Variants in RUNDC3B observed in about 807,000 individuals in gnomAD.
The protein encoded by RUNDC3B is RUN domain-containing protein 3B.
RUNDC3B carries 33 observed loss-of-function variants against 58.4 expected under a neutral mutation model. That is an observed-to-expected ratio of 0.56 (90% CI 0.43 to 0.75). RUNDC3B has a LOEUF of 0.75. Ranked by LOEUF, RUNDC3B falls within the 30% of genes least tolerant of loss-of-function variation. The probability of loss-of-function intolerance (pLI) is 0.00; values close to 1 mark genes in which losing one functional copy is unlikely to be tolerated. For synonymous variants in RUNDC3B, 193 were observed against 195.2 expected (o/e 0.99, Z 0.10); for missense variants, 501 against 535.7 (o/e 0.94, Z 0.64).
intron 8 of RUNDC3B, among the ~76,000 whole-genome samples, chr7:87,803,792 T>C (rs1836296196): frequency 6.6e-6 from 1 of 152,182 alleles, no homozygotes; most frequent in Non-Finnish European, 1.5e-5. Context: ...TGTCCGTGAA[T>C]ATTTTGCAGA....
chr7:87,650,947 C>T lies in RUNDC3B; in HGVS notation c.238+10C>T, dbSNP rs746397167. ...AGCCACCGGCTAAAAGGTAAAAGCA[C>T]TAATGTACTATTTATTTTCCCACCA... On this transcript the variant is annotated intron_variant, in intron 2 of 10. Transcript: ENST00000394654. The T allele has an allele frequency of 3.5e-6, 5 of 1,434,722 alleles. No individual in the cohort carries two copies. Among genetic ancestry groups the T allele is most frequent in the East Asian group, 2.3e-5 (1 of 43,894 alleles). 88.9% of individuals were successfully genotyped at this position (1,434,722 alleles called of 1,614,324 possible).
chr7:87,770,416 G>C (rs1320582238), intron 6 of RUNDC3B, among the ~76,000 whole-genome samples, 165 bp from the exon 7 acceptor site: 2 of 151,678 alleles, frequency 1.3e-5, no homozygotes, highest in African/African-American at 4.8e-5. Flanking sequence ...ATGCTAACTT[G>C]CCATTTTTTT....
At chr7:87,826,404 AT>A (rs1837809659) in intron 10 of RUNDC3B, among the ~76,000 whole-genome samples, 1 of 151,532 alleles carries the variant, frequency 6.6e-6, no homozygotes, top group African/African-American at 2.4e-5. Flanking sequence ...GTGTGAATCC[AT>A]TAAACCTCTT....
chr7:87,752,959 T>A (rs1390481064), intron 6 of RUNDC3B, among the ~76,000 whole-genome samples: 1 of 151,746 alleles, frequency 6.6e-6, no homozygotes, highest in Non-Finnish European at 1.5e-5. Context: ...TTCTTTTAAT[T>A]GTGATGTTAG....
chr7:87,788,703 CTTTT>C (rs5885597), intron 8 of RUNDC3B, among the ~76,000 whole-genome samples: 83 of 128,292 alleles, frequency 6.5e-4, no homozygotes, highest in East Asian at 2.2e-3. Flanking sequence ...CTTTTCAAAA[CTTTT>C]TTTTTTTTTT....
chr7:87,753,888 G>A (rs926369383), intron 6 of RUNDC3B, among the ~76,000 whole-genome samples: 4 of 152,136 alleles, frequency 2.6e-5, no homozygotes, highest in African/African-American at 7.2e-5. Flanking sequence ...CACAGGTAGC[G>A]ACTATCTGGG....
intron 4 of RUNDC3B, among the ~76,000 whole-genome samples, chr7:87,716,040 C>G (rs1458314094): frequency 1.3e-5 from 2 of 151,952 alleles, no homozygotes; most frequent in Non-Finnish European, 2.9e-5. Context: ...AGAATACTTG[C>G]TAGAAGTGCC....
intron 7 of RUNDC3B, among the ~76,000 whole-genome samples, chr7:87,774,966 A>G (rs1401617238): frequency 6.6e-6 from 1 of 152,378 alleles, no homozygotes; most frequent in Non-Finnish European, 1.5e-5. Flanking sequence ...TATGGAAAGT[A>G]TACAATACTT....
chr7:87,801,078 T>A (rs1240916605), intron 8 of RUNDC3B, among the ~76,000 whole-genome samples: 1 of 152,226 alleles, frequency 6.6e-6, no homozygotes, highest in African/African-American at 2.4e-5. Context: ...GTGTGGAATT[T>A]TTCACTGTGG....
chr7:87,699,957 T>C (rs1585136703), intron 2 of RUNDC3B, among the ~76,000 whole-genome samples: 1 of 152,188 alleles, frequency 6.6e-6, no homozygotes. Flanking sequence ...TATACCTTTT[T>C]TGAAGTATCC....
intron 3 of RUNDC3B, among the ~76,000 whole-genome samples, chr7:87,702,174 A>AAC: frequency 6.9e-6 from 1 of 144,422 alleles, no homozygotes; most frequent in Non-Finnish European, 1.5e-5. Context: ...AAAAAAAAAC[A>AAC]GAGATACTTT....
intron 6 of RUNDC3B, among the ~76,000 whole-genome samples, chr7:87,763,865 G>C (rs765488968): frequency 2.6e-5 from 4 of 151,686 alleles, no homozygotes; most frequent in Non-Finnish European, 5.9e-5. Context: ...TTTTGGCAGA[G>C]GTATCTGTTT....
chr7:87,667,900 A>T (rs1825426524), intron 2 of RUNDC3B, among the ~76,000 whole-genome samples: 1 of 151,966 alleles, frequency 6.6e-6, no homozygotes, highest in Non-Finnish European at 1.5e-5. Context: ...TATTTTGTTG[A>T]GGATTTTTGT....
At chr7:87,631,766 A>G (rs1243853921) in intron 1 of RUNDC3B, among the ~76,000 whole-genome samples, 1 of 152,204 alleles carries the variant, frequency 6.6e-6, no homozygotes, top group African/African-American at 2.4e-5. Context: ...TGGTGGAAAT[A>G]TAACTGGGTT....
rs553364204 is a variant in RUNDC3B at position 87,631,217 on chromosome 7, C to A, written c.122+2272C>A. 3.7e-4 allele frequency among the ~76,000 whole-genome samples: 57 copies of A among 152,206 alleles called. 1 individual carries two copies. The South Asian group carries it at 0.011, about 29-fold the overall frequency. ...TATATGATAGGCTTTGTCTGAATGA[C>A]TTTTACTTTTTGGAAGAAAGTCACT... On this transcript the variant is annotated intron_variant, in intron 1 of 10. Transcript: ENST00000394654.
rs1156933577 is a variant in RUNDC3B, at chr7:87,741,528, G to A, written c.578G>A (p.Gly193Asp). The change falls in exon 6 of 11, where the codon GGC becomes GAC. Residue 193 changes from glycine to aspartate, a missense_variant. Coordinates refer to ENST00000394654, the MANE Select transcript of RUNDC3B (RefSeq NM_001134405.2). ...TGCCTAAAGGGAGAGGGGCTGGATG[G>A]CAGTTTTCCTGCTGTAATAGACTAT... is the stretch of plus-strand genomic sequence containing the variant. ...SFCLKGEGLD[G>D]SFPAVIDYTP... The A allele has an allele frequency of 1.9e-6, 3 of 1,585,260 alleles. No individual in the cohort carries two copies. The highest frequency in any genetic ancestry group is 2.3e-5 in the South Asian group (2 of 88,758).
intron 2 of RUNDC3B, among the ~76,000 whole-genome samples, chr7:87,688,154 G>A (rs146119078): frequency 6.6e-6 from 1 of 152,064 alleles, no homozygotes; most frequent in Non-Finnish European, 1.5e-5. Context: ...GGAAATTCAG[G>A]AAAGGTGAAG....
intron 10 of RUNDC3B, among the ~76,000 whole-genome samples, chr7:87,822,382 G>A (rs1280389982): frequency 1.3e-5 from 2 of 152,146 alleles, no homozygotes; most frequent in South Asian, 2.1e-4. Context: ...AAAAAGTCAG[G>A]AAACAACAGG....
At chr7:87,785,276 G>A (rs1207335332) in intron 8 of RUNDC3B, among the ~76,000 whole-genome samples, 1 of 151,944 alleles carries the variant, frequency 6.6e-6, no homozygotes, top group Admixed American at 6.6e-5. Flanking sequence ...GGTACGACTG[G>A]TCAACAGACT....
Sources: allele counts gnomAD v4.1 joint callset (sites outside exome capture counted in the v4.1 genomes callset), GRCh38; gene constraint gnomAD v4.1.1; transcripts MANE v1.5; gene names NCBI Gene and HGNC (gene_info 2026-07-23, HGNC 2026-07-21).